Variants in GRM7 observed in about 807,000 individuals in gnomAD.
GRM7 encodes the protein metabotropic glutamate receptor 7.
GRM7 carries 35 observed loss-of-function variants against 84.5 expected under a neutral mutation model. The observed-to-expected ratio is 0.41, with a 90% CI of 0.32 to 0.55. GRM7 has a LOEUF of 0.55. Ranked by LOEUF, GRM7 falls within the 20% of genes least tolerant of loss-of-function variation. The pLI, the probability that GRM7 is intolerant of heterozygous loss-of-function variation, is 0.19. For synonymous variants in GRM7, 487 were observed against 455.1 expected, an observed-to-expected ratio of 1.07 and a Z score of -0.89; for missense variants, 1,003 against 1,194.6, an observed-to-expected ratio of 0.84 and a Z score of 2.36.
At chr3:7,403,684 CACAT>C (rs1157055253) in intron 4 of GRM7, among the ~76,000 whole-genome samples, 1 of 144,768 alleles carries the variant, frequency 6.9e-6, no homozygotes, top group Non-Finnish European at 1.5e-5. Flanking sequence ...TATATATACA[CACAT>C]ATATATGTGT....
At chr3:6,918,073 G>T (rs1461773338) in intron 1 of GRM7, among the ~76,000 whole-genome samples, 1 of 152,124 alleles carries the variant, frequency 6.6e-6, no homozygotes. Flanking sequence ...TGCTTTTAAT[G>T]AAAGCTTTGT....
At chr3:7,572,644 C>G (rs889492894) in intron 7 of GRM7, among the ~76,000 whole-genome samples, 1 of 150,412 alleles carries the variant, frequency 6.6e-6, no homozygotes, top group African/African-American at 2.5e-5. Context: ...ACCGTGAAAC[C>G]CCATCTCTAC....
chr3:7,078,585 A>G (rs189603641), intron 1 of GRM7, among the ~76,000 whole-genome samples: 232 of 152,316 alleles, frequency 1.5e-3, no homozygotes, highest in Non-Finnish European at 2.2e-3. Flanking sequence ...AGTGGAATCT[A>G]GGAAGATTTT....
intron 7 of GRM7, among the ~76,000 whole-genome samples, chr3:7,503,499 C>T (rs561200591): frequency 6.6e-6 from 1 of 152,268 alleles, no homozygotes; most frequent in African/African-American, 2.4e-5. Flanking sequence ...AGGCAGATTG[C>T]ATACCCACTA....
At position 7,579,262 on chromosome 3, in the gene GRM7, G is replaced by A. The variant is rs781373607; in HGVS notation, c.2356G>A (p.Glu786Lys). 3 of 1,613,808 alleles carry A rather than the reference G, an allele frequency of 1.9e-6. No individual in the cohort carries two copies. The highest frequency in any genetic ancestry group is 1.7e-6 in the Non-Finnish European group (2 of 1,179,804). Residue 786 changes from glutamate to lysine, a missense_variant, in exon 8 of 10, where the codon GAA (glutamate) becomes AAA (lysine). This residue lies in a region of GRM7 where 910 missense variants were observed against 1,126.0 expected (regional missense o/e 0.81). Coordinates refer to ENST00000357716, the MANE Select transcript of GRM7 (RefSeq NM_000844.4). ...TCGGGGTGTACCCGAGAATTTTAAC[G>A]AAGCCAAGCCCATTGGATTCACTAT... ...KTRGVPENFN[E>K]AKPIGFTMYT...
chr3:7,661,794 C>CAAAAA (rs71043686), intron 8 of GRM7, among the ~76,000 whole-genome samples: 10,855 of 28,098 alleles, frequency 0.39, 3,864 homozygotes, highest in Non-Finnish European at 0.51. Context: ...GTCTCCGTCT[C>CAAAAA]AAAAAAAAAA....
intron 1 of GRM7, among the ~76,000 whole-genome samples, chr3:7,085,656 TAAG>T (rs1698431069): frequency 6.6e-6 from 1 of 152,134 alleles, no homozygotes; most frequent in African/African-American, 2.4e-5. Context: ...ACTCAAAAGT[TAAG>T]AAGGAGTTGA....
chr3:7,563,642 T>C (rs565089192), intron 7 of GRM7, among the ~76,000 whole-genome samples: 117 of 152,292 alleles, frequency 7.7e-4, no homozygotes, highest in Non-Finnish European at 1.0e-3. Flanking sequence ...ACTCTGGTAT[T>C]AAAGGGAAGC....
intron 8 of GRM7, among the ~76,000 whole-genome samples, chr3:7,610,024 AT>A (rs747860794): frequency 2.0e-5 from 3 of 151,976 alleles, no homozygotes; most frequent in Non-Finnish European, 2.9e-5. Context: ...GTGCCTTCCT[AT>A]GCTGGATGTT....
intron 2 of GRM7, among the ~76,000 whole-genome samples, chr3:7,147,548 A>G (rs1218790512): frequency 6.6e-6 from 1 of 152,198 alleles, no homozygotes; most frequent in East Asian, 1.9e-4. Context: ...AAAGCAATAG[A>G]AAGAGAGCTC....
At chr3:7,161,446 G>A (rs1471340707) in intron 2 of GRM7, among the ~76,000 whole-genome samples, 2 of 147,920 alleles carry the variant, frequency 1.4e-5, no homozygotes, top group African/African-American at 2.5e-5. Context: ...AAAGAGAAAT[G>A]TGTGGGTCAC....
chr3:7,453,111 G>A (rs1399930493), intron 6 of GRM7, among the ~76,000 whole-genome samples: 1 of 151,534 alleles, frequency 6.6e-6, no homozygotes, highest in Non-Finnish European at 1.5e-5. Flanking sequence ...AGGGAAAGGA[G>A]CAGTTGCTGT....
At chr3:7,354,627 C>T (rs765878194) in intron 4 of GRM7, among the ~76,000 whole-genome samples, 1 of 152,096 alleles carries the variant, frequency 6.6e-6, no homozygotes, top group Admixed American at 6.6e-5. Flanking sequence ...GGTGGTGATT[C>T]CCACATCCCC....
At chr3:7,620,522 G>A (rs1697308381) in intron 8 of GRM7, among the ~76,000 whole-genome samples, 1 of 152,062 alleles carries the variant, frequency 6.6e-6, no homozygotes, top group Non-Finnish European at 1.5e-5. Context: ...GAGAAGAACA[G>A]CAGTCCTCAT....
chr3:7,289,273 A>G (rs1038383090), intron 2 of GRM7, among the ~76,000 whole-genome samples: 1 of 152,208 alleles, frequency 6.6e-6, no homozygotes, highest in African/African-American at 2.4e-5. Flanking sequence ...TTAGAGCACA[A>G]ACTTGAGTAA....
At chr3:6,875,837 T>C (rs770386978) in intron 1 of GRM7, among the ~76,000 whole-genome samples, 2 of 152,210 alleles carry the variant, frequency 1.3e-5, no homozygotes, top group Non-Finnish European at 2.9e-5. Context: ...TCTCATATTT[T>C]TGCAGAACTC....
intron 9 of GRM7, among the ~76,000 whole-genome samples, chr3:7,731,294 T>C (rs893764677): frequency 3.3e-5 from 5 of 152,122 alleles, no homozygotes; most frequent in South Asian, 2.1e-4. Context: ...AGGAGAATAC[T>C]GAAAAAAGGG....
At chr3:7,249,893 A>G (rs781728565) in intron 2 of GRM7, among the ~76,000 whole-genome samples, 15 of 152,176 alleles carry the variant, frequency 9.9e-5, no homozygotes, top group Non-Finnish European at 1.8e-4. Flanking sequence ...GTGTGTTGAG[A>G]TTGGTACCAG....
chr3:7,579,561 C>T (rs1239766704), intron 8 of GRM7, among the ~76,000 whole-genome samples: 3 of 152,116 alleles, frequency 2.0e-5, no homozygotes, highest in Non-Finnish European at 4.4e-5. Context: ...GGAAACCAAC[C>T]AGATGTAGCC....
Sources: allele counts gnomAD v4.1 joint callset (sites outside exome capture counted in the v4.1 genomes callset), GRCh38; gene constraint gnomAD v4.1.1; regional missense constraint gnomAD v4.1.1; transcripts MANE v1.5; gene names NCBI Gene and HGNC (gene_info 2026-07-23, HGNC 2026-07-21).